Variants in VPS13B observed in about 807,000 individuals in gnomAD.
The protein encoded by VPS13B is intermembrane lipid transfer protein VPS13B.
A neutral mutation model predicts 426.4 loss-of-function variants in VPS13B; 285 were observed. The observed-to-expected ratio is 0.67, with a 90% confidence interval of 0.61 to 0.74. The LOEUF (loss-of-function observed/expected upper bound fraction) is 0.74, where lower values mean the gene tolerates loss of function less well. VPS13B is among the 30% of genes least tolerant of loss of function. VPS13B has a pLI of 0.00. For synonymous variants in VPS13B, 1,676 were observed against 1,676.4 expected (o/e 1.00, Z 0.01); for missense variants, 4,537 against 4,782.6 (o/e 0.95, Z 1.51).
At chr8:99,047,989 TATGAA>T (rs763987858) in intron 3 of VPS13B, among the ~76,000 whole-genome samples, 21 of 152,246 alleles carry the variant, frequency 1.4e-4, no homozygotes, top group Middle Eastern at 6.8e-3. Flanking sequence ...TGCTCTGCTC[TATGAA>T]CTTTCCTCTT....
intron 34 of VPS13B, among the ~76,000 whole-genome samples, chr8:99,650,185 T>C (rs756964719): frequency 1.6e-4 from 24 of 152,168 alleles, no homozygotes; most frequent in Non-Finnish European, 2.8e-4. Flanking sequence ...CTTTTATATC[T>C]TTACATCTTG....
chr8:99,633,319 G>A (rs747637454), intron 33 of VPS13B, among the ~76,000 whole-genome samples: 4 of 151,986 alleles, frequency 2.6e-5, no homozygotes, highest in East Asian at 1.9e-4. Context: ...AAGCACAGTC[G>A]ACTTCTATAT....
chr8:99,795,087 G>A (rs1006418462), intron 43 of VPS13B, among the ~76,000 whole-genome samples: 5 of 152,078 alleles, frequency 3.3e-5, no homozygotes, highest in Admixed American at 2.0e-4. Context: ...GCAAATCCTG[G>A]CTCCTTTTTA....
chr8:99,758,032 T>C (rs898221630), intron 39 of VPS13B, among the ~76,000 whole-genome samples: 1 of 152,226 alleles, frequency 6.6e-6, no homozygotes, highest in Admixed American at 6.5e-5. Context: ...ACTCTTGGAA[T>C]AGTCATCTTT....
intron 17 of VPS13B, among the ~76,000 whole-genome samples, chr8:99,201,579 G>A (rs928691369): frequency 6.6e-6 from 1 of 152,028 alleles, no homozygotes; most frequent in East Asian, 1.9e-4. Context: ...GAGTTTAAGA[G>A]GCTTTAAGAG....
chr8:99,572,553 G>A (rs1440392586), intron 31 of VPS13B, among the ~76,000 whole-genome samples: 1 of 151,868 alleles, frequency 6.6e-6, no homozygotes, highest in Non-Finnish European at 1.5e-5. Context: ...AACATTCGGT[G>A]TTTGGTTTTT....
intron 19 of VPS13B, among the ~76,000 whole-genome samples, chr8:99,366,424 A>G (rs901800428): frequency 1.3e-5 from 2 of 151,142 alleles, no homozygotes; most frequent in South Asian, 2.1e-4. Flanking sequence ...TTTGGTTTCC[A>G]TTTGCATGGA....
At chr8:99,492,506 G>A (rs986889409) in intron 25 of VPS13B, among the ~76,000 whole-genome samples, 3 of 152,224 alleles carry the variant, frequency 2.0e-5, no homozygotes, top group Non-Finnish European at 2.9e-5. Flanking sequence ...GTCTAGCTGA[G>A]TTGCGGTGGG....
chr8:99,682,115 C>T (rs1831178309), intron 35 of VPS13B, among the ~76,000 whole-genome samples: 1 of 152,182 alleles, frequency 6.6e-6, no homozygotes, highest in Non-Finnish European at 1.5e-5. Context: ...CACACTGAGA[C>T]TTTTGGGACA....
chr8:99,634,220 C>G (rs1180603664), intron 33 of VPS13B, among the ~76,000 whole-genome samples: 1 of 151,022 alleles, frequency 6.6e-6, no homozygotes, highest in Non-Finnish European at 1.5e-5. Context: ...GATACATATA[C>G]TTTTTTTTTA....
chr8:99,530,405 A>G lies in VPS13B; in HGVS notation c.4745+9395A>G, dbSNP rs1422424941. Among the ~76,000 whole-genome samples, 3 of 152,248 alleles carry G rather than the reference A, an allele frequency of 2.0e-5. No homozygotes were observed. The East Asian group carries it at 5.8e-4, about 29-fold the overall frequency. ...CAAGGTGGGCGGATCACCTGAGGTC[A>G]GGAGTTTGAGACCAGCCTGGACAAC... On this transcript the variant is annotated intron_variant, in intron 30 of 61. Transcript: ENST00000357162.
chr8:99,577,711 G>A, intron 33 of VPS13B, 78 bp downstream of exon 33: 1 of 1,539,014 alleles, frequency 6.5e-7, no homozygotes, highest in Non-Finnish European at 8.9e-7. Context: ...CTATAATTAA[G>A]CTGACTGCTT....
Position 99,270,639 on chromosome 8 carries a change from G to A in VPS13B, c.2516-3559G>A, listed in dbSNP as rs369648174. ...ATATTCTTTTGCTCTTGTATATACC[G>A]GAAACTAATTCAGATTTTTGGTTCT... On this transcript the variant is annotated intron_variant, in intron 17 of 61. Coordinates refer to ENST00000357162, the MANE Select transcript of VPS13B (RefSeq NM_152564.5). Among the ~76,000 whole-genome samples, 23 of 152,158 alleles carry A rather than the reference G, an allele frequency of 1.5e-4. No homozygotes were observed. The East Asian group carries it at 3.3e-3, about 22-fold the overall frequency.
chr8:99,276,767 T>C (rs1225455006), intron 19 of VPS13B, among the ~76,000 whole-genome samples: 1 of 152,128 alleles, frequency 6.6e-6, no homozygotes, highest in Non-Finnish European at 1.5e-5. Flanking sequence ...CTTTATAGAA[T>C]TACCCATATA....
chr8:99,439,290 A>G (rs373029318), intron 22 of VPS13B, among the ~76,000 whole-genome samples: 1 of 152,178 alleles, frequency 6.6e-6, no homozygotes, highest in East Asian at 1.9e-4. Context: ...CAGAAACTAT[A>G]TAGTGTACAA....
At chr8:99,715,062 G>A (rs934162812) in intron 36 of VPS13B, among the ~76,000 whole-genome samples, 5 of 151,686 alleles carry the variant, frequency 3.3e-5, no homozygotes, top group East Asian at 1.9e-4. Flanking sequence ...CAACTTTTAT[G>A]TAGGCCCAAA....
At chr8:99,784,144 T>C (rs891950254) in intron 42 of VPS13B, among the ~76,000 whole-genome samples, 171 bp from the exon 43 acceptor site, 2 of 152,228 alleles carry the variant, frequency 1.3e-5, no homozygotes, top group African/African-American at 4.8e-5. Flanking sequence ...CTTAAAGGTA[T>C]TTTTTATGTG....
intron 35 of VPS13B, chr8:99,697,841 C>G: frequency 1.7e-6 from 1 of 576,348 alleles, no homozygotes; most frequent in South Asian, 1.5e-5. Context: ...GGCCTCAGCA[C>G]TGGATGAAGA....
chr8:99,445,241 A>G (rs1817857175), intron 23 of VPS13B, among the ~76,000 whole-genome samples: 1 of 148,594 alleles, frequency 6.7e-6, no homozygotes, highest in Admixed American at 6.7e-5. Flanking sequence ...ATAAATTTAT[A>G]TAATATAAAT....
Sources: allele counts gnomAD v4.1 joint callset (sites outside exome capture counted in the v4.1 genomes callset), GRCh38; gene constraint gnomAD v4.1.1; transcripts MANE v1.5; gene names NCBI Gene and HGNC (gene_info 2026-07-23, HGNC 2026-07-21).